The following PALS2 variants were observed in gnomAD, a reference collection of about 807,000 sequenced individuals.
PALS2 encodes protein PALS2.
PALS2 carries 27 observed loss-of-function variants against 61.6 expected under a neutral mutation model. The ratio of observed to expected loss-of-function variants is 0.44; its 90% CI spans 0.32 to 0.60. PALS2 has a LOEUF of 0.60. Ranked by LOEUF, PALS2 falls within the 20% of genes least tolerant of loss-of-function variation. The pLI, the probability that PALS2 is intolerant of heterozygous loss-of-function variation, is 0.05. For missense variants in PALS2, 554 were observed against 639.4 expected, an observed-to-expected ratio of 0.87 and a Z score of 1.44; for synonymous variants, 236 against 218.6, an observed-to-expected ratio of 1.08 and a Z score of -0.70.
chr7:24,652,915 CTA>C (rs1454248507), intron 5 of PALS2, among the ~76,000 whole-genome samples: 2 of 152,152 alleles, frequency 1.3e-5, no homozygotes, highest in East Asian at 3.9e-4. Flanking sequence ...ACATAAGTAT[CTA>C]TGTTTTAAAT....
At chr7:24,669,022 G>A (rs1787171484) in intron 9 of PALS2, among the ~76,000 whole-genome samples, 1 of 152,188 alleles carries the variant, frequency 6.6e-6, no homozygotes, top group Admixed American at 6.5e-5. Context: ...AAAGAAAAGG[G>A]GAAAGCTTCT....
intron 1 of PALS2, among the ~76,000 whole-genome samples, chr7:24,590,399 C>A (rs972967798): frequency 2.0e-5 from 3 of 152,062 alleles, no homozygotes; most frequent in Admixed American, 6.6e-5. Flanking sequence ...TTTGCCAAGG[C>A]TTTTCTTTGG....
At chr7:24,667,657 ATTTTTTT>A (rs11284911) in intron 8 of PALS2, among the ~76,000 whole-genome samples, 23 of 98,656 alleles carry the variant, frequency 2.3e-4, no homozygotes, top group East Asian at 6.4e-4. Flanking sequence ...GATTAGATAA[ATTTTTTT>A]TTTTTTTTTT....
At chr7:24,646,821 A>G (rs187878071) in intron 3 of PALS2, among the ~76,000 whole-genome samples, 4 of 152,184 alleles carry the variant, frequency 2.6e-5, no homozygotes, top group East Asian at 3.9e-4. Context: ...TACTGATTCA[A>G]TTTCGGAGGT....
intron 2 of PALS2, among the ~76,000 whole-genome samples, chr7:24,639,480 AT>A (rs1174896939): frequency 6.6e-6 from 1 of 152,054 alleles, no homozygotes; most frequent in African/African-American, 2.4e-5. Context: ...CCTTCAATAG[AT>A]GTTAAGGTTC....
chr7:24,603,197 T>A (rs1783779068), intron 1 of PALS2, among the ~76,000 whole-genome samples: 1 of 152,190 alleles, frequency 6.6e-6, no homozygotes, highest in African/African-American at 2.4e-5. Flanking sequence ...CTACCCAGGC[T>A]ATATTTTTGT....
In PALS2 at chr7:24,688,718, A is replaced by G. The variant is rs1252847748; in HGVS notation, c.*1104A>G. ...GCTATTTTGTATACATACACACAAAATATATACATTATATAATATGTATAT... is the reference window on the plus strand; with the variant it reads ...GCTATTTTGTATACATACACACAAAGTATATACATTATATAATATGTATAT... On this transcript the variant is annotated 3_prime_UTR_variant, in exon 12 of 12. Transcript: ENST00000222644. 6.7e-6 allele frequency: 1 copy of G among 150,210 alleles called. No homozygotes were observed. The highest frequency in any genetic ancestry group is 1.9e-4 in the East Asian group (1 of 5,164). The allele number at this position is 150,210 out of a possible 1,614,324, so 9.3% of individuals were successfully genotyped here.
At chr7:24,647,878 T>G (rs1785923859) in intron 3 of PALS2, among the ~76,000 whole-genome samples, 1 of 152,156 alleles carries the variant, frequency 6.6e-6, no homozygotes, top group African/African-American at 2.4e-5. Flanking sequence ...TGTGGGCAAA[T>G]TTTTACTATA....
At chr7:24,651,400 G>T (rs919758528) in intron 5 of PALS2, among the ~76,000 whole-genome samples, 5 of 152,156 alleles carry the variant, frequency 3.3e-5, no homozygotes, top group Non-Finnish European at 7.4e-5. Flanking sequence ...AGTGCTGCCA[G>T]TTATCAGCTT....
chr7:24,671,742 T>C (rs1468198909), intron 9 of PALS2, among the ~76,000 whole-genome samples: 1 of 152,176 alleles, frequency 6.6e-6, no homozygotes, highest in Non-Finnish European at 1.5e-5. Flanking sequence ...GTTCCAACTT[T>C]ATTCTTTTGC....
chr7:24,678,407 A>G (rs1787737811), intron 9 of PALS2, among the ~76,000 whole-genome samples: 1 of 152,224 alleles, frequency 6.6e-6, no homozygotes, highest in Non-Finnish European at 1.5e-5. Context: ...TGAGGCGTCT[A>G]GCTCTACCAC....
intron 10 of PALS2, among the ~76,000 whole-genome samples, chr7:24,679,794 G>A (rs1009482846): frequency 2.7e-4 from 41 of 152,064 alleles, no homozygotes; most frequent in Middle Eastern, 3.4e-3. Flanking sequence ...CCAACCTCAC[G>A]TCCCTACTCA....
At chr7:24,575,268 A>G (rs1212442372) in intron 1 of PALS2, among the ~76,000 whole-genome samples, 1 of 152,182 alleles carries the variant, frequency 6.6e-6, no homozygotes, top group Non-Finnish European at 1.5e-5. Context: ...AAAATGAATT[A>G]TTTTGCATTC....
intron 1 of PALS2, among the ~76,000 whole-genome samples, chr7:24,601,268 A>C (rs1783711050): frequency 6.6e-6 from 1 of 152,120 alleles, no homozygotes; most frequent in South Asian, 2.1e-4. Context: ...CCACTAGTAA[A>C]TTGTAGTTGC....
At chr7:24,686,801 G>A (rs1027960869) in intron 11 of PALS2, among the ~76,000 whole-genome samples, 8 of 152,058 alleles carry the variant, frequency 5.3e-5, no homozygotes, top group Non-Finnish European at 1.0e-4. Flanking sequence ...ACCATCTTAC[G>A]AAAAGCTTTA....
intron 1 of PALS2, chr7:24,620,261 G>A (rs1262838002): frequency 6.6e-6 from 1 of 152,018 alleles, no homozygotes; most frequent in Non-Finnish European, 1.5e-5. Flanking sequence ...TTGGGATTAG[G>A]CCCATCTCTC....
chr7:24,607,603 A>G (rs12672003), intron 1 of PALS2, among the ~76,000 whole-genome samples: 13,102 of 149,842 alleles, frequency 0.087, 666 homozygotes, highest in Admixed American at 0.12. Flanking sequence ...ATGTGTGTGT[A>G]TATATACATA....
Position 24,647,647 on chromosome 7 carries a change from G to A in PALS2, c.271-1965G>A, listed in dbSNP as rs184855085. 5.4e-4 allele frequency among the ~76,000 whole-genome samples: 82 copies of A among 152,300 alleles called. No homozygotes were observed. The East Asian group carries it at 0.014, about 26-fold the overall frequency. On this transcript the variant is annotated intron_variant, in intron 3 of 11. Transcript: ENST00000222644. ...TGTAGAGCTTCTCATCAACTGGGCT[G>A]CTTAGTGCATTTCTACTGAAGAGGC... is the stretch of plus-strand genomic sequence containing the variant.
chr7:24,586,215 T>G (rs1783060158), intron 1 of PALS2, among the ~76,000 whole-genome samples: 1 of 152,170 alleles, frequency 6.6e-6, no homozygotes, highest in Non-Finnish European at 1.5e-5. Flanking sequence ...TTAATTTTAT[T>G]TAGCCATATA....
Sources: allele counts gnomAD v4.1 joint callset (sites outside exome capture counted in the v4.1 genomes callset), GRCh38; gene constraint gnomAD v4.1.1; transcripts MANE v1.5; gene names NCBI Gene and HGNC (gene_info 2026-07-23, HGNC 2026-07-21).